MYH10: variants seen among roughly 807,000 people sequenced by gnomAD.
The protein encoded by MYH10 is myosin heavy chain 10.
Under a neutral mutation model 257.8 loss-of-function variants are expected in MYH10, and 55 were observed. That is an observed-to-expected ratio of 0.21 (90% CI 0.17 to 0.27). The LOEUF is 0.27. Ranked by LOEUF, MYH10 falls within the 10% of genes least tolerant of loss-of-function variation. MYH10 has a pLI of 1.00. For missense variants in MYH10, 1,631 were observed against 2,500.6 expected (o/e 0.65, Z 7.42); for synonymous variants, 854 against 921.7 (o/e 0.93, Z 1.33).
intron 36 of MYH10, among the ~76,000 whole-genome samples, 187 bp downstream of exon 36, chr17:8,487,246 G>C (rs114213813): frequency 6.6e-6 from 1 of 152,322 alleles, no homozygotes; most frequent in African/African-American, 2.4e-5. Context: ...CAACTGTGTT[G>C]CTAAGTGCAT....
At chr17:8,608,925 A>C (rs8069353) in intron 2 of MYH10, among the ~76,000 whole-genome samples, 48,590 of 151,640 alleles carry the variant, frequency 0.32, 7,898 homozygotes, top group Admixed American at 0.39. Flanking sequence ...ATTCTCCTGC[A>C]TCAGCCTTCC....
At chr17:8,571,516 C>T (rs1460438166) in intron 6 of MYH10, among the ~76,000 whole-genome samples, 1 of 152,052 alleles carries the variant, frequency 6.6e-6, no homozygotes, top group Non-Finnish European at 1.5e-5. Flanking sequence ...GGCGCGGTGG[C>T]TTATGCCTGT....
At chr17:8,571,319 C>T (rs574483940) in intron 6 of MYH10, among the ~76,000 whole-genome samples, 1 of 151,496 alleles carries the variant, frequency 6.6e-6, no homozygotes, top group Non-Finnish European at 1.5e-5. Flanking sequence ...GGACTACAGG[C>T]ACCCGCCACC....
At chr17:8,484,604 A>T (rs1374536572) in intron 36 of MYH10, among the ~76,000 whole-genome samples, 1 of 152,240 alleles carries the variant, frequency 6.6e-6, no homozygotes, top group African/African-American at 2.4e-5. Context: ...AGCAAACTGA[A>T]TCTGGCAACA....
chr17:8,604,839 T>A lies in MYH10; in HGVS notation c.489A>T (p.Arg163Ser). ...ATTTCCAATTACCTTGAAGCATGCA[T>A]CTGTAAGCAGATTCAGATATAGCAT... ...HIYAISESAY[R>S]CMLQDREDQS... is the part of the protein sequence containing the mutation. Residue 163 changes from arginine to serine, a missense_variant, in exon 3 of 43, where the codon AGA (arginine) becomes AGT (serine). Transcript: ENST00000360416. 6 of 1,567,778 alleles carry A rather than the reference T, an allele frequency of 3.8e-6. No individual in the cohort carries two copies. The highest frequency in any genetic ancestry group is 5.2e-6 in the Non-Finnish European group (6 of 1,157,952).
At chr17:8,480,889 C>T (rs1913635368) in intron 38 of MYH10, among the ~76,000 whole-genome samples, 1 of 63,850 alleles carries the variant, frequency 1.6e-5, no homozygotes, top group Non-Finnish European at 3.5e-5. Context: ...GTTTCCAATG[C>T]ACTGAGAATC....
At chr17:8,606,301 G>A (rs1426070567) in intron 2 of MYH10, among the ~76,000 whole-genome samples, 2 of 152,118 alleles carry the variant, frequency 1.3e-5, no homozygotes, top group Non-Finnish European at 2.9e-5. Flanking sequence ...TGGGCACTAC[G>A]GAAAAACAAG....
At chr17:8,618,117 G>A (rs1360869045) in intron 2 of MYH10, among the ~76,000 whole-genome samples, 2 of 152,140 alleles carry the variant, frequency 1.3e-5, no homozygotes, top group East Asian at 1.9e-4. Flanking sequence ...TTTGGATGAA[G>A]CATATGAAGA....
At chr17:8,501,100 T>C (rs1917441851) in intron 28 of MYH10, 130 bp from the exon 29 acceptor site, 1 of 989,400 alleles carries the variant, frequency 1.0e-6, no homozygotes, top group Non-Finnish European at 1.5e-6. Flanking sequence ...TGATGTGCTA[T>C]TTCCAGTAGG....
At position 8,549,820 on chromosome 17, in the gene MYH10, T is replaced by C. The variant is rs973603895; in HGVS notation, c.920-1033A>G. Among the ~76,000 whole-genome samples, 38 of 151,486 alleles carry C rather than the reference T, an allele frequency of 2.5e-4. 1 individual carries two copies. Among genetic ancestry groups the C allele is most frequent in the Admixed American group, 2.5e-3 (38 of 15,212 alleles). On this transcript the variant is annotated intron_variant, in intron 9 of 42. Transcript: ENST00000360416. ...CCTGCCTGATTCTCCTGACTCAGCC[T>C]GCCCAGTGCCTGCGATTGAAAGCTC... is the stretch of plus-strand genomic sequence containing the variant.
chr17:8,533,362 C>T (rs1468826258), intron 16 of MYH10, among the ~76,000 whole-genome samples: 1 of 152,196 alleles, frequency 6.6e-6, no homozygotes, highest in Non-Finnish European at 1.5e-5. Context: ...CTCTTCTCTG[C>T]CCCAGCCCTC....
At chr17:8,517,210 G>C (rs971670956) in intron 21 of MYH10, among the ~76,000 whole-genome samples, 2 of 152,188 alleles carry the variant, frequency 1.3e-5, no homozygotes, top group Non-Finnish European at 2.9e-5. Context: ...TCAACCCGAA[G>C]ATATCATCTA....
At chr17:8,476,344 A>G (rs557162751) in intron 42 of MYH10, among the ~76,000 whole-genome samples, 1 of 152,254 alleles carries the variant, frequency 6.6e-6, no homozygotes, top group Non-Finnish European at 1.5e-5. Context: ...TGTAGAAACC[A>G]TGCTTAGTTT....
At chr17:8,580,126 G>A (rs533568338) in intron 4 of MYH10, among the ~76,000 whole-genome samples, 29 of 145,816 alleles carry the variant, frequency 2.0e-4, no homozygotes, top group Admixed American at 1.4e-3. Context: ...GACTTCACCT[G>A]AAAAAAAAAA....
At chr17:8,489,832 A>C (rs1421066711) in intron 35 of MYH10, among the ~76,000 whole-genome samples, 1 of 152,208 alleles carries the variant, frequency 6.6e-6, no homozygotes, top group African/African-American at 2.4e-5. Flanking sequence ...TTAGACTAGA[A>C]ATTTAACATA....
intron 3 of MYH10, among the ~76,000 whole-genome samples, chr17:8,601,387 C>T (rs2084585791): frequency 6.6e-6 from 1 of 152,224 alleles, no homozygotes; most frequent in South Asian, 2.1e-4. Flanking sequence ...TACTGACTCC[C>T]TTTCCATGTC....
At chr17:8,492,202 C>CAGGCATTCCCAGGTCCTTA in intron 34 of MYH10, 95 bp downstream of exon 34, 1 of 1,273,370 alleles carries the variant, frequency 7.9e-7, no homozygotes, top group Admixed American at 2.1e-5. Flanking sequence ...CCAGGTCCTT[C>CAGGCATTCCCAGGTCCTTA]AGGCTCCCCT....
intron 4 of MYH10, among the ~76,000 whole-genome samples, chr17:8,586,023 C>T (rs992889118): frequency 6.6e-6 from 1 of 152,156 alleles, no homozygotes; most frequent in Non-Finnish European, 1.5e-5. Context: ...AAGGAAACAT[C>T]ATCTAAACTT....
At chr17:8,515,127 G>C (rs2081423267) in intron 21 of MYH10, among the ~76,000 whole-genome samples, 2 of 152,148 alleles carry the variant, frequency 1.3e-5, no homozygotes, top group Admixed American at 1.3e-4. Flanking sequence ...GAGGATGTTT[G>C]TTGAGTAAAT....
Sources: allele counts gnomAD v4.1 joint callset (sites outside exome capture counted in the v4.1 genomes callset), GRCh38; gene constraint gnomAD v4.1.1; transcripts MANE v1.5; gene names NCBI Gene and HGNC (gene_info 2026-07-23, HGNC 2026-07-21).